The following IL33 variants were observed in gnomAD, a reference collection of about 807,000 sequenced individuals.
The protein encoded by IL33 is interleukin 33.
A neutral mutation model predicts 27.3 loss-of-function variants in IL33; 37 were observed. That is an observed-to-expected ratio of 1.36 (90% CI 1.04 to 1.78). The LOEUF (loss-of-function observed/expected upper bound fraction) is 1.78. Ranked by LOEUF, IL33 falls within the 40% of genes most tolerant of loss-of-function variation. The probability of loss-of-function intolerance (pLI) is 0.00; values close to 1 mark genes in which losing one functional copy is unlikely to be tolerated. For missense variants in IL33, 406 were observed against 311.4 expected, an observed-to-expected ratio of 1.30 and a Z score of -2.29; for synonymous variants, 132 against 102.9, an observed-to-expected ratio of 1.28 and a Z score of -1.71.
chr9:6,251,507 G>T (rs1330383), intron 4 of IL33, among the ~76,000 whole-genome samples: 53,404 of 151,854 alleles, frequency 0.35, 9,786 homozygotes, highest in East Asian at 0.5. Context: ...ACTTGCAATG[G>T]ATTGGAATCC....
intron 1 of IL33, among the ~76,000 whole-genome samples, chr9:6,236,343 C>G (rs1274456827): frequency 1.3e-5 from 2 of 152,108 alleles, no homozygotes; most frequent in East Asian, 1.9e-4. Flanking sequence ...ATGTCAGGAT[C>G]TACCACGCAT....
intron 2 of IL33, among the ~76,000 whole-genome samples, chr9:6,249,811 T>A (rs1477837595): frequency 1.3e-5 from 2 of 152,310 alleles, no homozygotes; most frequent in East Asian, 3.9e-4. Flanking sequence ...TCTTGCAAGA[T>A]TATTATGAAG....
At position 6,257,177 on chromosome 9, in the gene IL33, T is replaced by C. The variant is rs1564079682; in HGVS notation, c.*1009T>C. 6.6e-6 allele frequency: 1 copy of C among 152,170 alleles called. No individual in the cohort carries two copies. Among genetic ancestry groups the C allele is most frequent in the Non-Finnish European group, 1.5e-5 (1 of 68,032 alleles). 9.4% of individuals were successfully genotyped at this position (152,170 alleles called of 1,614,324 possible). ...CCTACCATCCCTTCTGACCCTGGCT[T>C]CCAGGGACCTATGTCTTTTAATACT... is the stretch of plus-strand genomic sequence containing the variant. On this transcript the variant is annotated 3_prime_UTR_variant, in exon 8 of 8. Coordinates refer to ENST00000682010, the MANE Select transcript of IL33 (RefSeq NM_033439.4).
At chr9:6,222,468 G>T (rs1400625648) in intron 1 of IL33, among the ~76,000 whole-genome samples, 1 of 152,204 alleles carries the variant, frequency 6.6e-6, no homozygotes, top group Non-Finnish European at 1.5e-5. Flanking sequence ...AAGTTGAATG[G>T]TGTGGCAGTG....
Position 6,230,660 on chromosome 9 carries a change from C to G in IL33, c.-11-11024C>G, listed in dbSNP as rs147504650. On this transcript the variant is annotated intron_variant, in intron 1 of 7. Transcript: ENST00000682010. Reference sequence around the variant, plus strand: ...CATAATCCCCATTTCCTCTCCTTATCAGCCAGGACCTGTCTTCTTCCACTG... The same window carrying G: ...CATAATCCCCATTTCCTCTCCTTATGAGCCAGGACCTGTCTTCTTCCACTG... Among the ~76,000 whole-genome samples, 200 of 152,264 alleles carry G rather than the reference C, an allele frequency of 1.3e-3. 1 individual carries two copies. The highest frequency in any genetic ancestry group is 4.5e-3 in the African/African-American group (185 of 41,552).
intron 2 of IL33, among the ~76,000 whole-genome samples, chr9:6,245,178 T>C (rs1819760496): frequency 6.6e-6 from 1 of 152,232 alleles, no homozygotes; most frequent in Non-Finnish European, 1.5e-5. Context: ...ATGGGAGCCT[T>C]GGGATAGATC....
intron 3 of IL33, among the ~76,000 whole-genome samples, chr9:6,250,860 T>C (rs965253536): frequency 1.3e-5 from 2 of 152,152 alleles, no homozygotes; most frequent in Admixed American, 6.5e-5. Context: ...TTTTTAAGTG[T>C]TTTTTTAATT....
At chr9:6,217,880 C>T in intron 1 of IL33, among the ~76,000 whole-genome samples, 1 of 151,396 alleles carries the variant, frequency 6.6e-6, no homozygotes, top group Non-Finnish European at 1.5e-5. Flanking sequence ...GGGCAAAGAC[C>T]CGTATTTCCT....
chr9:6,238,112 G>A (rs550043928), intron 1 of IL33, among the ~76,000 whole-genome samples: 9 of 152,244 alleles, frequency 5.9e-5, no homozygotes, highest in South Asian at 2.1e-4. Flanking sequence ...GTTTTGAGGC[G>A]GAAAGGGAGA....
chr9:6,228,846 C>CAAAAA (rs386414378), intron 1 of IL33, among the ~76,000 whole-genome samples: 5 of 135,784 alleles, frequency 3.7e-5, no homozygotes, highest in African/African-American at 1.4e-4. Context: ...AACACTGACT[C>CAAAAA]AAAAAAAAAA....
intron 1 of IL33, among the ~76,000 whole-genome samples, chr9:6,228,289 C>G (rs1449891195): frequency 6.6e-6 from 1 of 151,420 alleles, no homozygotes; most frequent in African/African-American, 2.4e-5. Flanking sequence ...GGTTACAGAC[C>G]AAGACTCTGT....
chr9:6,218,656 GTCCCCATATATATA>G (rs71328181), intron 1 of IL33, among the ~76,000 whole-genome samples: 2 of 120,036 alleles, frequency 1.7e-5, no homozygotes, highest in African/African-American at 6.7e-5. Context: ...CTATACATAT[GTCCCCATATATATA>G]TCCCCATATA....
At chr9:6,236,042 C>CACAT (rs1167166020) in intron 1 of IL33, among the ~76,000 whole-genome samples, 1 of 151,628 alleles carries the variant, frequency 6.6e-6, no homozygotes, top group Non-Finnish European at 1.5e-5. Flanking sequence ...CACACACACA[C>CACAT]ACACACACAC....
intron 1 of IL33, among the ~76,000 whole-genome samples, chr9:6,219,503 A>C (rs1587602871): frequency 6.6e-6 from 1 of 152,296 alleles, no homozygotes; most frequent in Middle Eastern, 3.4e-3. Flanking sequence ...TTTTAAGTGA[A>C]GAGTGCAGTA....
At chr9:6,245,311 T>C (rs1243657143) in intron 2 of IL33, among the ~76,000 whole-genome samples, 1 of 152,184 alleles carries the variant, frequency 6.6e-6, no homozygotes, top group Non-Finnish European at 1.5e-5. Flanking sequence ...TCTAAAAAAA[T>C]CCAAAGATCT....
intron 4 of IL33, among the ~76,000 whole-genome samples, chr9:6,252,044 C>G (rs10758751): frequency 9.6e-6 from 1 of 104,698 alleles, no homozygotes; most frequent in Non-Finnish European, 1.8e-5. Flanking sequence ...AGAAAAAAAA[C>G]AAACAAACAA....
chr9:6,220,064 G>A (rs543302265), intron 1 of IL33, among the ~76,000 whole-genome samples: 14 of 152,202 alleles, frequency 9.2e-5, no homozygotes, highest in African/African-American at 3.1e-4. Context: ...AAAACCTTCT[G>A]TCTATTTCCT....
intron 1 of IL33, among the ~76,000 whole-genome samples, chr9:6,237,946 C>A (rs1383055958): frequency 6.6e-6 from 1 of 152,120 alleles, no homozygotes; most frequent in Non-Finnish European, 1.5e-5. Flanking sequence ...AATACAACTA[C>A]AATTGGGTTC....
intron 1 of IL33, among the ~76,000 whole-genome samples, chr9:6,234,925 A>G (rs762364067): frequency 6.6e-6 from 1 of 152,252 alleles, no homozygotes; most frequent in Non-Finnish European, 1.5e-5. Flanking sequence ...AGTCCTCTGC[A>G]TACTGGTCCC....
Sources: gnomAD v4.1 joint callset for allele counts (sites outside exome capture counted in the v4.1 genomes callset) on GRCh38, gnomAD v4.1.1 for gene constraint, MANE v1.5 for transcripts, NCBI Gene and HGNC (gene_info 2026-07-23, HGNC 2026-07-21) for gene names.